The following MTMR1 variants were observed in gnomAD, a reference collection of about 807,000 sequenced individuals.
The protein encoded by MTMR1 is phosphatidylinositol-3-phosphate phosphatase MTMR1.
Under a neutral mutation model 51.6 loss-of-function variants are expected in MTMR1, and 17 were observed. The ratio of observed to expected loss-of-function variants is 0.33; its 90% CI spans 0.23 to 0.49. MTMR1 has a LOEUF of 0.49. MTMR1 is among the 20% of genes least tolerant of loss of function. The probability of loss-of-function intolerance (pLI) is 0.99; values close to 1 mark genes in which losing one functional copy is unlikely to be tolerated. For synonymous variants in MTMR1, 201 were observed against 205.6 expected (o/e 0.98, Z 0.19); for missense variants, 386 against 526.9 (o/e 0.73, Z 2.62).
intron 13 of MTMR1, 47 bp downstream of exon 13, chrX:150,744,500 A>G (rs372357519): frequency 2.0e-6 from 2 of 989,170 alleles, no homozygotes; most frequent in African/African-American, 3.8e-5. Context: ...CTTTAAATAT[A>G]TCTTAAAGAT....
intron 9 of MTMR1, 101 bp downstream of exon 9, chrX:150,731,720 A>G: frequency 1.3e-6 from 1 of 768,822 alleles, no homozygotes; most frequent in Non-Finnish European, 1.8e-6. Context: ...AAAAATGGAA[A>G]GCAGAAAAAT....
intron 2 of MTMR1, among the ~76,000 whole-genome samples, chrX:150,706,160 C>T (rs1422623877): frequency 9.0e-6 from 1 of 111,491 alleles, no homozygotes; most frequent in Non-Finnish European, 1.9e-5. Context: ...CCTGCTAGCT[C>T]AGATCCGTCT....
chrX:150,728,432 T>C lies in MTMR1; in HGVS notation c.555+641T>C, dbSNP rs149526378. On this transcript the variant is annotated intron_variant, in intron 6 of 15. Transcript: ENST00000445323. Reference sequence around the variant, plus strand: ...GCAGAGACCAATACATTTCCCCAGTTTGTTGTTTTAAGACTACGTTCAGAA... The same window carrying C: ...GCAGAGACCAATACATTTCCCCAGTCTGTTGTTTTAAGACTACGTTCAGAA... Among the ~76,000 whole-genome samples, 13 of 111,903 alleles carry C rather than the reference T, an allele frequency of 1.2e-4. No homozygotes were observed. In the East Asian group the frequency reaches 3.1e-3, roughly 27 times the overall value.
chrX:150,705,822 G>GA (rs2041081477), intron 2 of MTMR1, among the ~76,000 whole-genome samples: 2 of 111,808 alleles, frequency 1.8e-5, no homozygotes, highest in Non-Finnish European at 3.8e-5. Flanking sequence ...AGTTTAGTGA[G>GA]GTCACAGGAT....
At chrX:150,750,638 C>A in intron 13 of MTMR1, 92 bp from the exon 14 acceptor site, 2 of 548,448 alleles carry the variant, frequency 3.6e-6, no homozygotes, top group Non-Finnish European at 5.9e-6. Flanking sequence ...GACTATATTC[C>A]AAGTTGTAGT....
At chrX:150,758,998 C>T (rs782029070) in intron 15 of MTMR1, among the ~76,000 whole-genome samples, 13 of 112,336 alleles carry the variant, frequency 1.2e-4, no homozygotes, top group African/African-American at 2.6e-4. Context: ...TATGAGTGAG[C>T]GTGAGAGGTT....
At position 150,714,566 on chromosome X, in the gene MTMR1, A is replaced by G. The variant is rs1281033792; in HGVS notation, c.276+2201A>G. ...TACGTGTTCATCTGTTTGTAGCTAC[A>G]GATCGTGTATTTAGAAGCCATTTCA... On this transcript the variant is annotated intron_variant, in intron 3 of 15. Transcript: ENST00000445323. The G allele has an allele frequency of 1.7e-5, 16 of 943,209 alleles. No individual in the cohort carries two copies. The South Asian group carries it at 2.7e-4, about 16-fold the overall frequency. The allele number at this position is 943,209 out of a possible 1,213,427, so 77.7% of individuals were successfully genotyped here.
At chrX:150,739,682 G>A (rs1268203326) in intron 12 of MTMR1, among the ~76,000 whole-genome samples, 2 of 112,407 alleles carry the variant, frequency 1.8e-5, no homozygotes, top group African/African-American at 6.5e-5. Flanking sequence ...ACTGCACCAT[G>A]GCCACAGTGA....
At position 150,759,935 on chromosome X, in the gene MTMR1, G is replaced by A. The variant is rs782611632; in HGVS notation, c.1858-2630G>A. Among the ~76,000 whole-genome samples, 5 of 109,436 alleles carry A rather than the reference G, an allele frequency of 4.6e-5. 1 individual carries two copies. The highest frequency in any genetic ancestry group is 4.6e-3 in the Middle Eastern group (1 of 218). On this transcript the variant is annotated intron_variant, in intron 15 of 15. Transcript: ENST00000445323. ...CGTGTAGTTGTGGAAGGATGCCCCC[G>A]ACAGGGCCAGATCCCGTCTCTGGCA...
chrX:150,723,482 G>C (rs1024688358), intron 4 of MTMR1, among the ~76,000 whole-genome samples: 2 of 109,913 alleles, frequency 1.8e-5, no homozygotes, highest in African/African-American at 6.6e-5. Context: ...CAGTGTAAAA[G>C]TGTTCCTATT....
chrX:150,758,950 G>A (rs2042991213), intron 15 of MTMR1, among the ~76,000 whole-genome samples: 1 of 112,529 alleles, frequency 8.9e-6, no homozygotes. Context: ...TGAGTTTGAA[G>A]GCGAGCTGTC....
At position 150,713,387 on chromosome X, in the gene MTMR1, CTA is replaced by C. The variant is rs1305134160; in HGVS notation, c.276+1025_276+1026del. Among the ~76,000 whole-genome samples, 4 of 111,901 alleles carry C rather than the reference CTA, an allele frequency of 3.6e-5. No homozygotes were observed. The Admixed American group carries it at 3.8e-4, about 11-fold the overall frequency. ...TTACACTGCCTTGAAGTATGCTAAA[CTA>C]TACCAACTGTGTACTAAATTCAATC... On this transcript the variant is annotated intron_variant, in intron 3 of 15. Coordinates refer to ENST00000445323, the MANE Select transcript of MTMR1 (RefSeq NM_001306144.3).
intron 12 of MTMR1, 105 bp downstream of exon 12, chrX:150,737,553 G>A: frequency 1.6e-6 from 1 of 637,732 alleles, no homozygotes; most frequent in South Asian, 3.0e-5. Flanking sequence ...CACACGTGCA[G>A]GCTTTCTCTT....
intron 10 of MTMR1, chrX:150,735,303 C>T: frequency 3.0e-6 from 1 of 338,719 alleles, no homozygotes; most frequent in Non-Finnish European, 5.1e-6. Context: ...ATAAAACCTC[C>T]TTACATTCCT....
At chrX:150,695,055 G>GC (rs1170089047) in intron 1 of MTMR1, among the ~76,000 whole-genome samples, 2 of 112,130 alleles carry the variant, frequency 1.8e-5, no homozygotes, top group Non-Finnish European at 3.8e-5. Context: ...TTTGAGTAAT[G>GC]CCCCCAAAGA....
chrX:150,707,657 A>G (rs954337884), intron 2 of MTMR1, among the ~76,000 whole-genome samples: 2 of 112,633 alleles, frequency 1.8e-5, no homozygotes, highest in South Asian at 7.3e-4. Context: ...CTGGAAACAC[A>G]GTCTGGCAGT....
chrX:150,706,558 C>T (rs1164943035), intron 2 of MTMR1, among the ~76,000 whole-genome samples: 1 of 111,947 alleles, frequency 8.9e-6, no homozygotes, highest in Non-Finnish European at 1.9e-5. Flanking sequence ...TCTAATAAGA[C>T]ATGAACAGGA....
chrX:150,760,149 G>A (rs1220652245), intron 15 of MTMR1, among the ~76,000 whole-genome samples: 4 of 108,948 alleles, frequency 3.7e-5, no homozygotes, highest in East Asian at 5.6e-4. Flanking sequence ...TACATGGGCC[G>A]CAGCTTGTTA....
intron 12 of MTMR1, among the ~76,000 whole-genome samples, chrX:150,742,905 A>G (rs2042474736): frequency 9.0e-6 from 1 of 110,725 alleles, no homozygotes; most frequent in Non-Finnish European, 1.9e-5. Flanking sequence ...TTATGTTTCC[A>G]CTTATATGAA....
Sources: allele counts gnomAD v4.1 joint callset (sites outside exome capture counted in the v4.1 genomes callset), GRCh38; gene constraint gnomAD v4.1.1; transcripts MANE v1.5; gene names NCBI Gene and HGNC (gene_info 2026-07-23, HGNC 2026-07-21).